The following CYTH1 variants were observed in gnomAD, a reference collection of about 807,000 sequenced individuals.
CYTH1 encodes cytohesin 1, also known as cytohesin-1.
In CYTH1, 18 loss-of-function variants were observed where a neutral mutation model predicts 61.8. The ratio of observed to expected loss-of-function variants is 0.29; its 90% confidence interval spans 0.20 to 0.43. The LOEUF (loss-of-function observed/expected upper bound fraction) is 0.43. Ranked by LOEUF, CYTH1 falls within the 20% of genes least tolerant of loss-of-function variation. The probability of loss-of-function intolerance (pLI) is 1.00; values close to 1 mark genes in which losing one functional copy is unlikely to be tolerated. For synonymous variants in CYTH1, 174 were observed against 184.3 expected (o/e 0.94, Z 0.45); for missense variants, 336 against 510.5 (o/e 0.66, Z 3.29).
intron 1 of CYTH1, among the ~76,000 whole-genome samples, chr17:78,779,729 G>T (rs1470526642): frequency 6.6e-6 from 1 of 152,214 alleles, no homozygotes; most frequent in Non-Finnish European, 1.5e-5. Context: ...AACACAGGTG[G>T]CCTCTAGAAG....
intron 1 of CYTH1, among the ~76,000 whole-genome samples, chr17:78,724,421 G>A (rs1271937481): frequency 6.6e-6 from 1 of 152,178 alleles, no homozygotes; most frequent in Admixed American, 6.5e-5. Flanking sequence ...CCGTGCTAGA[G>A]CAGGGTTCTT....
chr17:78,678,664 G>A (rs1461503377), intron 13 of CYTH1, among the ~76,000 whole-genome samples: 3 of 152,176 alleles, frequency 2.0e-5, no homozygotes, highest in African/African-American at 7.2e-5. Context: ...TACTGGTAGG[G>A]GACTCTGAAA....
In CYTH1 at chr17:78,702,197, C is replaced by T; in HGVS notation, c.281G>A (p.Cys94Tyr). Residue 94 changes from cysteine to tyrosine, a missense_variant, in exon 5 of 14, where the codon TGT (cysteine) becomes TAT (tyrosine). Coordinates refer to ENST00000446868, the MANE Select transcript of CYTH1 (RefSeq NM_004762.6). The stretch of plus-strand genomic sequence containing the variant: ...ATATAAGAACTGGGCAATGTCTTCA[C>T]AAGTGTTCTTCAGGAGGTCGTTCTC... ...LIENDLLKNT[C>Y]EDIAQFLYKG... 6.2e-7 allele frequency: 1 copy of T among 1,614,182 alleles called. No individual in the cohort carries two copies.
intron 1 of CYTH1, among the ~76,000 whole-genome samples, chr17:78,767,423 C>A (rs981014188): frequency 6.6e-6 from 1 of 152,086 alleles, no homozygotes; most frequent in South Asian, 2.1e-4. Context: ...CCACGTGAAC[C>A]GCCCTACACT....
At chr17:78,740,299 G>A (rs2093337353) in intron 1 of CYTH1, among the ~76,000 whole-genome samples, 2 of 152,138 alleles carry the variant, frequency 1.3e-5, no homozygotes, top group Admixed American at 1.3e-4. Context: ...CACAGCCTCT[G>A]CCTTAAAGGC....
At chr17:78,756,748 G>A (rs2093402788) in intron 1 of CYTH1, among the ~76,000 whole-genome samples, 1 of 151,974 alleles carries the variant, frequency 6.6e-6, no homozygotes, top group African/African-American at 2.4e-5. Context: ...GATCACTTGA[G>A]CCGAGGAAGT....
At chr17:78,731,770 A>AC (rs1567865381) in intron 1 of CYTH1, among the ~76,000 whole-genome samples, 2 of 151,658 alleles carry the variant, frequency 1.3e-5, no homozygotes, top group African/African-American at 4.8e-5. Context: ...AAAAAAAAAA[A>AC]ACAAAAAAAA....
intron 1 of CYTH1, among the ~76,000 whole-genome samples, chr17:78,713,375 T>C (rs1369189455): frequency 6.6e-6 from 1 of 152,210 alleles, no homozygotes; most frequent in Non-Finnish European, 1.5e-5. Context: ...GCAACATTCA[T>C]TTTTTAAAAA....
chr17:78,743,368 A>G (rs1191566640), intron 1 of CYTH1, among the ~76,000 whole-genome samples: 8 of 152,132 alleles, frequency 5.3e-5, no homozygotes, highest in Non-Finnish European at 7.4e-5. Flanking sequence ...CTTACTTTCC[A>G]GCTTCGCTCC....
chr17:78,749,153 G>C (rs2093369890), intron 1 of CYTH1, among the ~76,000 whole-genome samples: 1 of 152,154 alleles, frequency 6.6e-6, no homozygotes, highest in African/African-American at 2.4e-5. Context: ...TGTAATCCCA[G>C]CACTTTGGGA....
chr17:78,778,980 T>A (rs1281644088), intron 1 of CYTH1, among the ~76,000 whole-genome samples: 1 of 152,158 alleles, frequency 6.6e-6, no homozygotes, highest in Non-Finnish European at 1.5e-5. Flanking sequence ...CTTAAAGAAC[T>A]TGGGAGTCTT....
rs553604805 is a variant in CYTH1, at chr17:78,727,676, G to A, written c.23-17944C>T. The A allele has an allele frequency of 2.3e-5, 11 of 471,106 alleles. 1 individual carries two copies. Among genetic ancestry groups the A allele is most frequent in the South Asian group, 1.7e-4 (11 of 64,568 alleles). 29.2% of individuals were successfully genotyped at this position (471,106 alleles called of 1,614,324 possible). On this transcript the variant is annotated intron_variant, in intron 1 of 13. Coordinates refer to ENST00000446868, the MANE Select transcript of CYTH1 (RefSeq NM_004762.6). Reference sequence around the variant, plus strand: ...CACCTACCAGCAGGGCAAGGCTGGAGCAGGCACGGCCGACCCAAGCCTCCT... The same window carrying A: ...CACCTACCAGCAGGGCAAGGCTGGAACAGGCACGGCCGACCCAAGCCTCCT...
At chr17:78,736,558 T>C (rs978507997) in intron 1 of CYTH1, 2 of 207,626 alleles carry the variant, frequency 9.6e-6, no homozygotes, top group South Asian at 1.1e-4. Flanking sequence ...AGGTTGGTCC[T>C]TAACTCCTCC....
At chr17:78,743,518 T>C (rs2093349214) in intron 1 of CYTH1, among the ~76,000 whole-genome samples, 1 of 152,174 alleles carries the variant, frequency 6.6e-6, no homozygotes, top group Non-Finnish European at 1.5e-5. Flanking sequence ...GATTTCCAGT[T>C]TTCAGGTTAG....
intron 1 of CYTH1, among the ~76,000 whole-genome samples, chr17:78,749,387 G>C (rs2093370911): frequency 6.6e-6 from 1 of 152,152 alleles, no homozygotes; most frequent in African/African-American, 2.4e-5. Context: ...TTGAACCCAG[G>C]AGTCAGAGGT....
chr17:78,763,745 G>A (rs1468555472), intron 1 of CYTH1, among the ~76,000 whole-genome samples: 1 of 152,180 alleles, frequency 6.6e-6, no homozygotes, highest in Non-Finnish European at 1.5e-5. Context: ...AACCATGGAA[G>A]GTGAAACCAT....
At chr17:78,760,587 A>ATG (rs568977057) in intron 1 of CYTH1, among the ~76,000 whole-genome samples, 2 of 114,734 alleles carry the variant, frequency 1.7e-5, no homozygotes, top group East Asian at 2.7e-4. Flanking sequence ...ATATATATGT[A>ATG]TATATATGTA....
chr17:78,775,583 C>T (rs2093487773), intron 1 of CYTH1, among the ~76,000 whole-genome samples: 1 of 152,142 alleles, frequency 6.6e-6, no homozygotes, highest in Non-Finnish European at 1.5e-5. Flanking sequence ...ATTAGTTCTA[C>T]CTTTCCTGCT....
rs561657709 is a variant in CYTH1 at position 78,761,051 on chromosome 17, G to A, written c.22+21151C>T. Among the ~76,000 whole-genome samples the A allele has an allele frequency of 4.0e-5, 6 of 151,684 alleles. No homozygotes were observed. In the South Asian group the frequency reaches 8.3e-4, roughly 21 times the overall value. ...GAGTTTCAACATGTTGGTCAGGCTG[G>A]TCTCGAACTCCCGACCTTGTGATCC... On this transcript the variant is annotated intron_variant, in intron 1 of 13. Transcript: ENST00000446868.
Sources: allele counts gnomAD v4.1 joint callset (sites outside exome capture counted in the v4.1 genomes callset), GRCh38; gene constraint gnomAD v4.1.1; transcripts MANE v1.5; gene names NCBI Gene and HGNC (gene_info 2026-07-23, HGNC 2026-07-21).